The following WAPL variants were observed in gnomAD, a reference collection of about 807,000 sequenced individuals.
WAPL encodes the protein WAPL cohesin release factor.
WAPL carries 5 observed loss-of-function variants against 121.0 expected under a neutral mutation model. The observed-to-expected ratio is 0.04, with a 90% CI of 0.02 to 0.09. WAPL has a LOEUF of 0.09. Ranked by LOEUF, WAPL falls within the 10% of genes least tolerant of loss-of-function variation. WAPL has a pLI of 1.00. For synonymous variants in WAPL, 480 were observed against 481.5 expected (o/e 1.00, Z 0.04); for missense variants, 999 against 1,410.8 (o/e 0.71, Z 4.68).
In WAPL at chr10:86,443,248, TA is replaced by T. The variant is rs781444311; in HGVS notation, c.3411+26del. 3 of 1,554,530 alleles carry T rather than the reference TA, an allele frequency of 1.9e-6. No individual in the cohort carries two copies. The South Asian group carries it at 3.4e-5, about 18-fold the overall frequency. ...TACATTGGAATCTTTCAAAGATACA[TA>T]AAACATCACTGAACTATGTACTTAC... On this transcript the variant is annotated intron_variant, in intron 17 of 18. Coordinates refer to ENST00000298767, the MANE Select transcript of WAPL (RefSeq NM_015045.5).
chr10:86,500,810 A>T, intron 2 of WAPL, 67 bp from the exon 3 acceptor site: 4 of 1,270,178 alleles, frequency 3.1e-6, no homozygotes, highest in Non-Finnish European at 4.3e-6. Flanking sequence ...AATAACATAT[A>T]TGTGGTTAAT....
At chr10:86,454,093 C>T (rs947392220) in intron 12 of WAPL, among the ~76,000 whole-genome samples, 9 of 152,180 alleles carry the variant, frequency 5.9e-5, no homozygotes, top group Non-Finnish European at 1.3e-4. Context: ...ATATAAGAGA[C>T]AGACCACAAC....
chr10:86,455,067 G>C (rs979842108), intron 12 of WAPL, among the ~76,000 whole-genome samples: 8 of 148,830 alleles, frequency 5.4e-5, no homozygotes, highest in Admixed American at 3.3e-4. Context: ...GGAGGGAGGT[G>C]GGGGGCAGCC....
intron 4 of WAPL, among the ~76,000 whole-genome samples, chr10:86,484,492 CAAAACAA>C (rs1244589112): frequency 6.6e-6 from 1 of 151,852 alleles, no homozygotes; most frequent in African/African-American, 2.4e-5. Context: ...GAGATTGTCT[CAAAACAA>C]AAAGCAAAAA....
At chr10:86,505,867 T>TG (rs1453136626) in intron 2 of WAPL, among the ~76,000 whole-genome samples, 3 of 152,142 alleles carry the variant, frequency 2.0e-5, no homozygotes, top group Non-Finnish European at 4.4e-5. Context: ...GAACAGTTTC[T>TG]GGGGCATAAT....
intron 4 of WAPL, among the ~76,000 whole-genome samples, chr10:86,486,603 G>A (rs1194865535): frequency 2.0e-5 from 3 of 152,174 alleles, no homozygotes; most frequent in Admixed American, 2.0e-4. Context: ...GTTCCTTAAA[G>A]AGTTAGACAA....
chr10:86,521,073 G>A (rs759715242), intron 1 of WAPL, among the ~76,000 whole-genome samples: 7 of 152,302 alleles, frequency 4.6e-5, no homozygotes, highest in Non-Finnish European at 7.4e-5. Context: ...GGCAGTGCAA[G>A]GCCCCAGTGG....
At chr10:86,445,690 A>G (rs944247926) in intron 16 of WAPL, among the ~76,000 whole-genome samples, 1 of 152,014 alleles carries the variant, frequency 6.6e-6, no homozygotes, top group East Asian at 1.9e-4. Context: ...ATGCCAGGCT[A>G]ATTTTTTATA....
intron 4 of WAPL, among the ~76,000 whole-genome samples, chr10:86,479,031 G>A (rs1445594604): frequency 6.6e-6 from 1 of 151,998 alleles, no homozygotes; most frequent in African/African-American, 2.4e-5. Context: ...CTTGGGAGAT[G>A]GAGGTTGCAG....
At chr10:86,485,475 T>A (rs1428719893) in intron 4 of WAPL, among the ~76,000 whole-genome samples, 1 of 152,064 alleles carries the variant, frequency 6.6e-6, no homozygotes, top group Non-Finnish European at 1.5e-5. Context: ...AGACAGAGAT[T>A]GCAGTGAGCT....
chr10:86,440,112 T>C (rs1849424393), intron 17 of WAPL, among the ~76,000 whole-genome samples: 1 of 152,150 alleles, frequency 6.6e-6, no homozygotes, highest in Non-Finnish European at 1.5e-5. Context: ...ACAAGATAGA[T>C]ACAGGCAAAC....
At chr10:86,460,542 T>C (rs1464143950) in intron 10 of WAPL, 46 bp from the exon 11 acceptor site, 18 of 1,482,132 alleles carry the variant, frequency 1.2e-5, no homozygotes, top group Non-Finnish European at 1.7e-5. Flanking sequence ...TCATCGATAC[T>C]TACCAATAGA....
At chr10:86,466,708 C>CT (rs895086532) in intron 9 of WAPL, among the ~76,000 whole-genome samples, 12 of 151,628 alleles carry the variant, frequency 7.9e-5, no homozygotes, top group Admixed American at 2.0e-4. Flanking sequence ...TAGTTTCTAC[C>CT]TTTTTTTTGA....
intron 17 of WAPL, among the ~76,000 whole-genome samples, chr10:86,441,925 C>T (rs1849480738): frequency 6.6e-6 from 1 of 152,236 alleles, no homozygotes; most frequent in Non-Finnish European, 1.5e-5. Flanking sequence ...AAATTAGACT[C>T]TGCCATCTTG....
intron 2 of WAPL, among the ~76,000 whole-genome samples, chr10:86,505,860 C>T (rs1283455900): frequency 1.3e-5 from 2 of 151,910 alleles, no homozygotes; most frequent in Admixed American, 6.6e-5. Flanking sequence ...CGAAAGTGAA[C>T]AGTTTCTGGG....
Position 86,446,412 on chromosome 10 carries a change from T to A in WAPL, c.3152A>T (p.Glu1051Val). ...LERERAAQLA[E>V]SKTDELIKDA... ...TTTGATCAACTCATCTGTTTTACTT[T>A]CTGCTAGCTGGGCTGCCCGCTCTCG... The change falls in exon 16 of 19, where the codon GAA becomes GTA. Residue 1051 changes from glutamate to valine, a missense_variant. Physicochemically the swap from Glu to Val is moderately radical, Grantham distance 121. Around this residue, in one of 7 missense-constraint regions of WAPL, gnomAD observed 126 missense variants for 144.0 expected, o/e 0.87. Transcript: ENST00000298767. The A allele has an allele frequency of 6.2e-7, 1 of 1,614,190 alleles. No individual in the cohort carries two copies. Among genetic ancestry groups the A allele is most frequent in the Non-Finnish European group, 8.5e-7 (1 of 1,180,026 alleles).
intron 2 of WAPL, among the ~76,000 whole-genome samples, chr10:86,506,522 C>A (rs1008573039): frequency 6.6e-6 from 1 of 152,162 alleles, no homozygotes; most frequent in Non-Finnish European, 1.5e-5. Flanking sequence ...CGCCTGTAAT[C>A]CCAGCACTTG....
chr10:86,448,149 A>G lies in WAPL; in HGVS notation c.3115-1700T>C, dbSNP rs1160088920. On this transcript the variant is annotated intron_variant, in intron 15 of 18. Coordinates refer to ENST00000298767, the MANE Select transcript of WAPL (RefSeq NM_015045.5). ...AAAATAAAACTTAAAAAAACAGAAA[A>G]CCATCAAAAAGTGTATCAGTAGAGG... 2.6e-5 allele frequency among the ~76,000 whole-genome samples: 4 copies of G among 152,132 alleles called. 1 individual carries two copies. The highest frequency in any genetic ancestry group is 4.8e-5 in the African/African-American group (2 of 41,416).
At chr10:86,493,317 C>T (rs1172907159) in intron 4 of WAPL, among the ~76,000 whole-genome samples, 1 of 151,580 alleles carries the variant, frequency 6.6e-6, no homozygotes, top group Non-Finnish European at 1.5e-5. Flanking sequence ...CAAATAAGAC[C>T]ATATATATAT....
Sources: allele counts gnomAD v4.1 joint callset (sites outside exome capture counted in the v4.1 genomes callset), GRCh38; gene constraint gnomAD v4.1.1; regional missense constraint gnomAD v4.1.1; transcripts MANE v1.5; gene names NCBI Gene and HGNC (gene_info 2026-07-23, HGNC 2026-07-21).